CBFB: variants seen among roughly 807,000 people sequenced by gnomAD.
CBFB encodes the protein CBF-beta.
A neutral mutation model predicts 30.4 loss-of-function variants in CBFB; 9 were observed. The observed-to-expected ratio is 0.30, with a 90% CI of 0.18 to 0.52. The LOEUF is 0.52. Among genes scored for constraint, CBFB ranks in the 20% least tolerant of loss-of-function variants. The pLI, the probability that CBFB is intolerant of heterozygous loss-of-function variation, is 0.97. For synonymous variants in CBFB, 94 were observed against 84.0 expected (o/e 1.12, Z -0.65); for missense variants, 170 against 244.0 (o/e 0.70, Z 2.02).
chr16:67,046,268 AG>A (rs1567607794), intron 3 of CBFB, among the ~76,000 whole-genome samples: 2 of 151,104 alleles, frequency 1.3e-5, no homozygotes, highest in Non-Finnish European at 2.9e-5. Context: ...CACCATGCCC[AG>A]GTAATTTTTT....
chr16:67,092,715 T>G (rs1435010755), intron 5 of CBFB, among the ~76,000 whole-genome samples: 2 of 130,468 alleles, frequency 1.5e-5, no homozygotes, highest in Non-Finnish European at 3.2e-5. Context: ...TTTTTTTTTT[T>G]TTTTTTTTTT....
Position 67,042,732 on chromosome 16 carries a change from T to TTTTA in CBFB, c.282+5997_282+6000dup, listed in dbSNP as rs933452040. Among the ~76,000 whole-genome samples, 73 of 152,230 alleles carry TTTTA rather than the reference T, an allele frequency of 4.8e-4. 1 individual carries two copies. The highest frequency in any genetic ancestry group is 3.4e-3 in the Middle Eastern group (1 of 294). ...AGAAAAAGAGTGAAGCCACCATGCCTTTTATTTATTTATTTATTTATTTGA... is the reference window on the plus strand; with the variant it reads ...AGAAAAAGAGTGAAGCCACCATGCCTTTTATTTATTTATTTATTTATTTATTTGA... On this transcript the variant is annotated intron_variant, in intron 3 of 5. Coordinates refer to ENST00000412916, the MANE Select transcript of CBFB (RefSeq NM_022845.3).
intron 3 of CBFB, among the ~76,000 whole-genome samples, chr16:67,057,350 C>T (rs1262249011): frequency 1.3e-5 from 2 of 152,158 alleles, no homozygotes; most frequent in Non-Finnish European, 2.9e-5. Context: ...TATCATTGGG[C>T]GTCTAGGTTA....
At chr16:67,093,494 GA>G (rs1423818755) in intron 5 of CBFB, 1 of 151,118 alleles carries the variant, frequency 6.6e-6, no homozygotes, top group African/African-American at 2.4e-5. Context: ...GACCAGTAGG[GA>G]AAACTCAAGC....
rs118114971 is a variant in CBFB at position 67,082,864 on chromosome 16, A to G, written c.495+556A>G. On this transcript the variant is annotated intron_variant, in intron 5 of 5. Transcript: ENST00000412916. ...CAGAAATCAACATTAACAAATCTGT[A>G]GCTTCCTTTGCTGGTTTACTTAGGA... 3.9e-3 allele frequency among the ~76,000 whole-genome samples: 588 copies of G among 152,304 alleles called. 1 individual carries two copies. Among genetic ancestry groups the G allele is most frequent in the Non-Finnish European group, 5.8e-3 (393 of 68,032 alleles).
intron 3 of CBFB, among the ~76,000 whole-genome samples, chr16:67,038,793 GTTTTTT>G (rs1966486171): frequency 6.6e-6 from 1 of 150,944 alleles, no homozygotes; most frequent in Non-Finnish European, 1.5e-5. Context: ...AAAAAAATTT[GTTTTTT>G]GTCAGCTTTA....
intron 3 of CBFB, 90 bp from the exon 4 acceptor site, chr16:67,066,592 T>C: frequency 1.5e-6 from 1 of 660,276 alleles, no homozygotes; most frequent in Non-Finnish European, 2.7e-6. Context: ...TTATTCATCT[T>C]TTCTACAGAG....
At position 67,046,648 on chromosome 16, in the gene CBFB, G is replaced by T. The variant is rs144383147; in HGVS notation, c.282+9893G>T. On this transcript the variant is annotated intron_variant, in intron 3 of 5. Coordinates refer to ENST00000412916, the MANE Select transcript of CBFB (RefSeq NM_022845.3). ...CCAAAGTTCACCATTGCTTCAAAAAGTTCCCTCATGCCCCCTTGCAGGTAG... is the reference window on the plus strand; with the variant it reads ...CCAAAGTTCACCATTGCTTCAAAAATTTCCCTCATGCCCCCTTGCAGGTAG... Among the ~76,000 whole-genome samples the T allele has an allele frequency of 1.5e-3, 229 of 152,278 alleles. 2 individuals are homozygous for T. The highest frequency in any genetic ancestry group is 4.2e-3 in the Admixed American group (64 of 15,290).
At chr16:67,045,892 T>C (rs1271502880) in intron 3 of CBFB, among the ~76,000 whole-genome samples, 1 of 148,202 alleles carries the variant, frequency 6.7e-6, no homozygotes, top group East Asian at 2.0e-4. Flanking sequence ...GCCTCCCAGG[T>C]TCAAGCGATT....
intron 4 of CBFB, among the ~76,000 whole-genome samples, chr16:67,077,102 T>C (rs1961422600): frequency 1.3e-5 from 2 of 152,332 alleles, no homozygotes; most frequent in South Asian, 4.1e-4. Context: ...GAGAATGTTA[T>C]TTTCTTATAC....
intron 3 of CBFB, among the ~76,000 whole-genome samples, chr16:67,054,719 G>A (rs1326537378): frequency 1.3e-5 from 2 of 151,954 alleles, no homozygotes; most frequent in African/African-American, 2.4e-5. Flanking sequence ...CTTATATTGG[G>A]TCTTAATTTC....
chr16:67,098,969 T>C lies in CBFB; in HGVS notation c.*191T>C. 1 of 449,004 alleles carries C rather than the reference T, an allele frequency of 2.2e-6. No individual in the cohort carries two copies. The highest frequency in any genetic ancestry group is 3.9e-6 in the Non-Finnish European group (1 of 253,926). 27.8% of individuals were successfully genotyped at this position (449,004 alleles called of 1,614,324 possible). A position where few individuals can be genotyped will look rare whatever the true frequency, so the allele number is the denominator to read the frequency against. The stretch of plus-strand genomic sequence containing the variant: ...ATGATTATAATACCTGCATTTCTAA[T>C]TTTTTAAGCATGTAGCCAGTAATAA... On this transcript the variant is annotated 3_prime_UTR_variant, in exon 6 of 6. Coordinates refer to ENST00000412916, the MANE Select transcript of CBFB (RefSeq NM_022845.3).
intron 3 of CBFB, among the ~76,000 whole-genome samples, chr16:67,050,455 T>C (rs1018680400): frequency 2.0e-5 from 3 of 151,904 alleles, no homozygotes. Flanking sequence ...TAAAGTTTAG[T>C]TTATAAATTA....
rs1473737425 is a variant in CBFB, at chr16:67,089,617, T to A, written c.495+7309T>A. ...AGAGCCCCACTGTATAAAACAGTTTTTTTAAAAGGCACTGCTCTGGGCAAA... is the reference window on the plus strand; with the variant it reads ...AGAGCCCCACTGTATAAAACAGTTTATTTAAAAGGCACTGCTCTGGGCAAA... On this transcript the variant is annotated intron_variant, in intron 5 of 5. Transcript: ENST00000412916. Among the ~76,000 whole-genome samples the A allele has an allele frequency of 3.3e-5, 5 of 152,284 alleles. No homozygotes were observed. The South Asian group carries it at 1.0e-3, about 32-fold the overall frequency.
At chr16:67,037,655 T>C (rs1567604498) in intron 3 of CBFB, among the ~76,000 whole-genome samples, 1 of 149,564 alleles carries the variant, frequency 6.7e-6, no homozygotes, top group African/African-American at 2.5e-5. Flanking sequence ...AAATGTATTA[T>C]GATTTTGGTA....
intron 3 of CBFB, among the ~76,000 whole-genome samples, chr16:67,052,205 G>A (rs773973272): frequency 6.6e-6 from 1 of 152,082 alleles, no homozygotes; most frequent in African/African-American, 2.4e-5. Context: ...TTGATACCAT[G>A]TTGAAAATTT....
chr16:67,053,250 T>C (rs923603821), intron 3 of CBFB, among the ~76,000 whole-genome samples: 219 of 134,324 alleles, frequency 1.6e-3, no homozygotes, highest in Middle Eastern at 3.6e-3. Context: ...CTTTCTCTCT[T>C]TTTTTTTTTT....
At chr16:67,040,292 T>G (rs1966508278) in intron 3 of CBFB, among the ~76,000 whole-genome samples, 1 of 152,256 alleles carries the variant, frequency 6.6e-6, no homozygotes, top group Admixed American at 6.5e-5. Flanking sequence ...AATCAGTGTC[T>G]TCTTCCATAT....
At chr16:67,042,554 C>A (rs1045588028) in intron 3 of CBFB, among the ~76,000 whole-genome samples, 4 of 152,232 alleles carry the variant, frequency 2.6e-5, no homozygotes, top group African/African-American at 9.6e-5. Flanking sequence ...GAACCTGGGA[C>A]TGACTGCACT....
Sources: allele counts gnomAD v4.1 joint callset (sites outside exome capture counted in the v4.1 genomes callset), GRCh38; gene constraint gnomAD v4.1.1; transcripts MANE v1.5; gene names NCBI Gene and HGNC (gene_info 2026-07-23, HGNC 2026-07-21).